Variants in ACSF2 observed in about 807,000 individuals in gnomAD.
ACSF2 encodes medium-chain acyl-CoA ligase ACSF2, mitochondrial.
A neutral mutation model predicts 79.3 loss-of-function variants in ACSF2; 52 were observed. That is an observed-to-expected ratio of 0.66 (90% CI 0.53 to 0.83). ACSF2 has a LOEUF of 0.83. ACSF2 is among the 40% of genes least tolerant of loss of function. ACSF2 has a pLI of 0.00. For missense variants in ACSF2, 661 were observed against 803.3 expected, an observed-to-expected ratio of 0.82 and a Z score of 2.14; for synonymous variants, 283 against 312.6, an observed-to-expected ratio of 0.91 and a Z score of 1.00.
chr17:50,440,381 G>A (rs572696768), intron 1 of ACSF2, among the ~76,000 whole-genome samples: 6 of 152,156 alleles, frequency 3.9e-5, no homozygotes, highest in African/African-American at 7.2e-5. Context: ...TCCACCCCCC[G>A]ACAGGGGCAG....
chr17:50,468,557 T>C (rs1452288458), intron 10 of ACSF2: 2 of 1,614,246 alleles, frequency 1.2e-6, no homozygotes, highest in East Asian at 2.2e-5. Flanking sequence ...CTCGCGGATC[T>C]GGCAGTGCTG....
intron 1 of ACSF2, among the ~76,000 whole-genome samples, chr17:50,426,639 T>C (rs2143438615): frequency 6.6e-6 from 1 of 152,326 alleles, no homozygotes; most frequent in Admixed American, 6.5e-5. Context: ...TCTCGATTCC[T>C]TCTCCTTTAT....
chr17:50,432,912 C>T (rs1332061239), intron 1 of ACSF2, among the ~76,000 whole-genome samples: 2 of 152,138 alleles, frequency 1.3e-5, no homozygotes, highest in Non-Finnish European at 2.9e-5. Context: ...AGCCTGATCC[C>T]TAAACCCAAT....
chr17:50,473,932 T>C lies in ACSF2; in HGVS notation c.1656T>C (p.Ile552=). 1 of 1,573,982 alleles carries C rather than the reference T, an allele frequency of 6.4e-7. No individual in the cohort carries two copies. The highest frequency in any genetic ancestry group is 8.6e-7 in the Non-Finnish European group (1 of 1,157,916). Residue 552 remains isoleucine (I), a synonymous_variant, in exon 14 of 16, where the codon ATT becomes ATC. Transcript: ENST00000300441. ...GVKDDRMGEE[I]CACIRLKDGE... The stretch of plus-strand genomic sequence containing the variant: ...AGGACGATCGGATGGGGGAAGAGAT[T>C]TGTGCCTGCATTCGGCTGAAGGACG...
At chr17:50,460,571 A>T (rs752740105) in intron 1 of ACSF2, 106 bp from the exon 2 acceptor site, 3 of 1,028,260 alleles carry the variant, frequency 2.9e-6, no homozygotes, top group Non-Finnish European at 2.8e-6. Flanking sequence ...AGTGGTCTCT[A>T]ACACATTGTC....
Position 50,429,810 on chromosome 17 carries a change from G to T in ACSF2, c.128+3421G>T, listed in dbSNP as rs535000571. Among the ~76,000 whole-genome samples, 82 of 152,272 alleles carry T rather than the reference G, an allele frequency of 5.4e-4. 2 individuals carry two copies. The South Asian group carries it at 0.017, about 32-fold the overall frequency. On this transcript the variant is annotated intron_variant, in intron 1 of 15. Transcript: ENST00000300441. ...TGGGATTACAGGCGTGAGCCACCAC[G>T]CCCGGCCCAGAGTCTTTCTCCCCAG...
chr17:50,426,736 A>G (rs2068317478), intron 1 of ACSF2, among the ~76,000 whole-genome samples: 1 of 152,230 alleles, frequency 6.6e-6, no homozygotes, highest in Admixed American at 6.5e-5. Flanking sequence ...TACCCCCAGG[A>G]CACTGCCTCT....
intron 1 of ACSF2, among the ~76,000 whole-genome samples, chr17:50,442,934 G>A (rs905267537): frequency 5.4e-5 from 8 of 149,136 alleles, no homozygotes; most frequent in African/African-American, 1.5e-4. Context: ...TTTCTGAGAC[G>A]GAGTCTCACT....
chr17:50,465,590 G>T, intron 10 of ACSF2: 1 of 1,470,816 alleles, frequency 6.8e-7, no homozygotes, highest in Non-Finnish European at 9.4e-7. Flanking sequence ...GGCTCCCAGG[G>T]TCCCATGCTT....
Position 50,426,336 on chromosome 17 carries a change from C to G in ACSF2, c.75C>G (p.Ala25=), listed in dbSNP as rs1229479631. The G allele has an allele frequency of 1.4e-6, 2 of 1,422,756 alleles. No homozygotes were observed. Among genetic ancestry groups the G allele is most frequent in the East Asian group, 5.6e-5 (2 of 35,482 alleles). 88.1% of individuals were successfully genotyped at this position (1,422,756 alleles called of 1,614,324 possible). ...AGSSGVLGAR[A]ALSRSWQEAR... is the part of the protein sequence containing the mutation. ...GCTCGGGGGTGCTGGGGGCCCGGGC[C>G]GCCCTCTCTCGGAGTTGGCAGGAAG... is the stretch of plus-strand genomic sequence containing the variant. Residue 25 remains alanine, a synonymous_variant, in exon 1 of 16, where the codon GCC becomes GCG. Coordinates refer to ENST00000300441, the MANE Select transcript of ACSF2 (RefSeq NM_025149.6).
intron 1 of ACSF2, among the ~76,000 whole-genome samples, chr17:50,443,727 T>C (rs764454923): frequency 5.9e-5 from 9 of 152,216 alleles, no homozygotes; most frequent in African/African-American, 1.7e-4. Context: ...AAAAATCTTA[T>C]ACCAGTTTAC....
At chr17:50,431,870 G>GT (rs1037654798) in intron 1 of ACSF2, among the ~76,000 whole-genome samples, 10 of 152,130 alleles carry the variant, frequency 6.6e-5, no homozygotes, top group African/African-American at 2.4e-4. Context: ...TAGCTGAGTA[G>GT]TTTTTTTACT....
rs1598424070 is a variant in ACSF2, at chr17:50,463,783, T to C, written c.1047-35T>C. The stretch of plus-strand genomic sequence containing the variant: ...GTGAGAACAGGGAGTTCCCTTCCAC[T>C]TCCAAGCCTAATTTCGAGACCTCCT... On this transcript the variant is annotated intron_variant, in intron 8 of 15. Transcript: ENST00000300441. The surrounding 1 kb of genome is among the most constrained non-coding windows in gnomAD (Gnocchi z 4.6). 1.9e-6 allele frequency: 3 copies of C among 1,600,740 alleles called. No individual in the cohort carries two copies. Among genetic ancestry groups the C allele is most frequent in the African/African-American group, 2.7e-5 (2 of 74,760 alleles).
At chr17:50,458,701 G>A (rs1481686949) in intron 1 of ACSF2, among the ~76,000 whole-genome samples, 2 of 152,200 alleles carry the variant, frequency 1.3e-5, no homozygotes, top group African/African-American at 4.8e-5. Flanking sequence ...CCCTCTCTGT[G>A]GTGGGTGTTT....
intron 1 of ACSF2, among the ~76,000 whole-genome samples, chr17:50,449,988 G>T (rs2031564627): frequency 6.6e-6 from 1 of 152,006 alleles, no homozygotes; most frequent in Non-Finnish European, 1.5e-5. Context: ...CTTAATAAAC[G>T]AGAGGGTCCG....
At chr17:50,473,471 G>A (rs917245604) in intron 12 of ACSF2, 194 bp from the exon 13 acceptor site, 1 of 652,958 alleles carries the variant, frequency 1.5e-6, no homozygotes, top group Non-Finnish European at 2.6e-6. Context: ...TATAGGTATT[G>A]TTTTGTTTTT....
At chr17:50,429,953 C>G (rs960844514) in intron 1 of ACSF2, among the ~76,000 whole-genome samples, 1 of 152,236 alleles carries the variant, frequency 6.6e-6, no homozygotes, top group African/African-American at 2.4e-5. Context: ...CTTCAGTGAA[C>G]CTCCAAGGAA....
Position 50,472,550 on chromosome 17 carries a change from A to G in ACSF2, c.1446A>G (p.Ala482=), listed in dbSNP as rs2033169875. ...YWGEPQKTEE[A]VDQDKWYWTG... ...GTGAGCCTCAGAAGACAGAGGAAGC[A>G]GTGGATCAGGACAAGTGGTATTGGA... Residue 482 remains alanine (A), a synonymous_variant, in exon 12 of 16, where the codon GCA becomes GCG. Transcript: ENST00000300441. 6.2e-7 allele frequency: 1 copy of G among 1,611,368 alleles called. No homozygotes were observed. The highest frequency in any genetic ancestry group is 1.3e-5 in the African/African-American group (1 of 74,806).
At chr17:50,442,579 C>A (rs1454108506) in intron 1 of ACSF2, among the ~76,000 whole-genome samples, 6 of 152,100 alleles carry the variant, frequency 3.9e-5, no homozygotes, top group Non-Finnish European at 7.4e-5. Context: ...AAACATCCTG[C>A]CTTAGCCTCC....
Sources: allele counts gnomAD v4.1 joint callset (sites outside exome capture counted in the v4.1 genomes callset), GRCh38; gene constraint gnomAD v4.1.1; non-coding constraint Gnocchi (gnomAD v3.1); transcripts MANE v1.5; gene names NCBI Gene and HGNC (gene_info 2026-07-23, HGNC 2026-07-21).